The following MCTP2 variants were observed in gnomAD, a reference collection of about 807,000 sequenced individuals.
The protein encoded by MCTP2 is multiple C2 and transmembrane domain-containing protein 2.
Under a neutral mutation model 111.6 loss-of-function variants are expected in MCTP2, and 132 were observed. That is an observed-to-expected ratio of 1.18 (90% CI 1.03 to 1.37). The LOEUF is 1.37. Among genes scored for constraint, MCTP2 ranks in the 40% most tolerant of loss-of-function variants. The probability of loss-of-function intolerance (pLI) is 0.00; values close to 1 mark genes in which losing one functional copy is unlikely to be tolerated. For synonymous variants in MCTP2, 395 were observed against 387.7 expected (o/e 1.02, Z -0.22); for missense variants, 1,183 against 1,067.9 (o/e 1.11, Z -1.50).
At chr15:94,250,422 G>A (rs1478337529) in intron 1 of MCTP2, among the ~76,000 whole-genome samples, 3 of 152,156 alleles carry the variant, frequency 2.0e-5, no homozygotes, top group African/African-American at 4.8e-5. Flanking sequence ...TCGTGAGCAC[G>A]TATTGAGGAT....
intron 2 of MCTP2, among the ~76,000 whole-genome samples, chr15:94,306,475 G>C (rs888470002): frequency 1.3e-5 from 2 of 152,200 alleles, no homozygotes; most frequent in African/African-American, 2.4e-5. Context: ...ACTGTGCGCA[G>C]AACTGTGGGT....
intron 17 of MCTP2, among the ~76,000 whole-genome samples, chr15:94,426,141 TGAGA>T (rs10603478): frequency 0.18 from 24,864 of 140,316 alleles, 2,123 homozygotes; most frequent in African/African-American, 0.25. Context: ...AGAGAGAGAT[TGAGA>T]GAGAGAGAGA....
intron 1 of MCTP2, among the ~76,000 whole-genome samples, chr15:94,234,959 G>C (rs2070441467): frequency 6.6e-6 from 1 of 152,106 alleles, no homozygotes; most frequent in Non-Finnish European, 1.5e-5. Flanking sequence ...GCCATTAAAA[G>C]CCCTGGTGGT....
chr15:94,274,669 AGAG>A lies in MCTP2; in HGVS notation c.-65-23529_-65-23527del, dbSNP rs574932395. Among the ~76,000 whole-genome samples the A allele has an allele frequency of 1.2e-4, 19 of 152,280 alleles. No homozygotes were observed. In the East Asian group the frequency reaches 3.7e-3, roughly 29 times the overall value. ...CAGCAAACATAACAAAACTGACAAA[AGAG>A]GAAGTAGAAATTATGAATGAATTGA... is the stretch of plus-strand genomic sequence containing the variant. On this transcript the variant is annotated intron_variant, in intron 1 of 22. Transcript: ENST00000357742.
intron 19 of MCTP2, among the ~76,000 whole-genome samples, chr15:94,445,919 A>G (rs530132705): frequency 6.6e-6 from 1 of 152,274 alleles, no homozygotes; most frequent in East Asian, 1.9e-4. Flanking sequence ...ATCACGGACG[A>G]CTGTGGAAGA....
intron 17 of MCTP2, among the ~76,000 whole-genome samples, chr15:94,412,113 A>G (rs922835237): frequency 3.3e-5 from 5 of 152,208 alleles, no homozygotes; most frequent in African/African-American, 1.2e-4. Context: ...TCTGAGGGGA[A>G]GAAGAAAGCT....
chr15:94,340,195 G>A lies in MCTP2; in HGVS notation c.781-4G>A. The A allele has an allele frequency of 6.2e-7, 1 of 1,605,848 alleles. No homozygotes were observed. The highest frequency in any genetic ancestry group is 8.5e-7 in the Non-Finnish European group (1 of 1,173,004). ...GTGTTAATTGACCTCTGTCCTCTTT[G>A]TAGGTATATGATCGAGATTTAACCA... On this transcript the variant is annotated splice_region_variant and splice_polypyrimidine_tract_variant and intron_variant, in intron 5 of 22. Transcript: ENST00000357742.
intron 14 of MCTP2, 98 bp downstream of exon 14, chr15:94,385,623 A>G: frequency 3.7e-6 from 3 of 814,050 alleles, no homozygotes; most frequent in Non-Finnish European, 6.3e-6. Context: ...CTGGGGGAAA[A>G]AAATCCTCCT....
intron 1 of MCTP2, among the ~76,000 whole-genome samples, chr15:94,241,422 G>C (rs533214264): frequency 6.6e-6 from 1 of 152,200 alleles, no homozygotes; most frequent in African/African-American, 2.4e-5. Context: ...TGGATGTCTT[G>C]TTTGTGCAAT....
chr15:94,303,856 C>T (rs1326452548), intron 2 of MCTP2, among the ~76,000 whole-genome samples: 1 of 152,176 alleles, frequency 6.6e-6, no homozygotes, highest in African/African-American at 2.4e-5. Context: ...CCTTCATTTT[C>T]ATAGCATGTC....
At chr15:94,361,132 T>A (rs2152429524) in intron 10 of MCTP2, among the ~76,000 whole-genome samples, 1 of 150,036 alleles carries the variant, frequency 6.7e-6, no homozygotes, top group East Asian at 2.0e-4. Context: ...CATTTGCTTT[T>A]CTTTGTGATC....
At chr15:94,245,420 GTGTGTATA>G (rs2071831242) in intron 1 of MCTP2, among the ~76,000 whole-genome samples, 2 of 76,756 alleles carry the variant, frequency 2.6e-5, no homozygotes, top group Admixed American at 1.2e-4. Flanking sequence ...TTATATACAT[GTGTGTATA>G]TATTTATATA....
intron 2 of MCTP2, among the ~76,000 whole-genome samples, chr15:94,306,976 T>C (rs1029991296): frequency 1.3e-5 from 2 of 152,166 alleles, no homozygotes; most frequent in African/African-American, 4.8e-5. Context: ...ATTTTTACTA[T>C]TTTTGTGTGA....
At chr15:94,330,613 A>G (rs2077088279) in intron 4 of MCTP2, among the ~76,000 whole-genome samples, 1 of 151,876 alleles carries the variant, frequency 6.6e-6, no homozygotes, top group African/African-American at 2.4e-5. Flanking sequence ...GCCTTCTTCT[A>G]ACTTTACATG....
At chr15:94,346,013 G>A (rs1054705576) in intron 8 of MCTP2, among the ~76,000 whole-genome samples, 5 of 151,984 alleles carry the variant, frequency 3.3e-5, no homozygotes, top group African/African-American at 9.7e-5. Flanking sequence ...ACATAAATAC[G>A]CCAGCTCTGA....
chr15:94,338,488 ATTTTTT>A (rs201502636), intron 4 of MCTP2, among the ~76,000 whole-genome samples: 18,119 of 134,192 alleles, frequency 0.14, 1,272 homozygotes, highest in African/African-American at 0.21. Context: ...GTTTGCAGGC[ATTTTTT>A]TTTTTTTTTT....
intron 1 of MCTP2, among the ~76,000 whole-genome samples, chr15:94,242,957 A>C (rs575369489): frequency 9.0e-6 from 1 of 111,132 alleles, no homozygotes; most frequent in African/African-American, 3.4e-5. Context: ...ATACACATAT[A>C]CACGTGTATA....
At chr15:94,300,947 A>G (rs2075579768) in intron 2 of MCTP2, among the ~76,000 whole-genome samples, 1 of 151,942 alleles carries the variant, frequency 6.6e-6, no homozygotes, top group South Asian at 2.1e-4. Context: ...GTGTGTCTGG[A>G]AGGGTGTGGG....
Position 94,248,095 on chromosome 15 carries a change from G to A in MCTP2, c.-66+16431G>A, listed in dbSNP as rs564024099. 6.6e-5 allele frequency among the ~76,000 whole-genome samples: 10 copies of A among 152,302 alleles called. No homozygotes were observed. In the South Asian group the frequency reaches 1.9e-3, roughly 28 times the overall value. Reference sequence around the variant, plus strand: ...GATGAGATTATGACATGGAGGTACTGCTTCACACTAGAAGGTCAGGATTAG... The same window carrying A: ...GATGAGATTATGACATGGAGGTACTACTTCACACTAGAAGGTCAGGATTAG... On this transcript the variant is annotated intron_variant, in intron 1 of 22. Coordinates refer to ENST00000357742, the MANE Select transcript of MCTP2 (RefSeq NM_001385001.1).
Sources: allele counts gnomAD v4.1 joint callset (sites outside exome capture counted in the v4.1 genomes callset), GRCh38; gene constraint gnomAD v4.1.1; transcripts MANE v1.5; gene names NCBI Gene and HGNC (gene_info 2026-07-23, HGNC 2026-07-21).